Variants in SLC10A7 observed in about 807,000 individuals in gnomAD.
SLC10A7 encodes the protein solute carrier family 10 member 7.
In SLC10A7, 29 loss-of-function variants were observed where a neutral mutation model predicts 43.2. The observed-to-expected ratio is 0.67, with a 90% CI of 0.50 to 0.92. The LOEUF (loss-of-function observed/expected upper bound fraction) is 0.92, where lower values mean the gene tolerates loss of function less well. Ranked by LOEUF, SLC10A7 falls within the 40% of genes least tolerant of loss-of-function variation. The probability of loss-of-function intolerance (pLI) is 0.00; values close to 1 mark genes in which losing one functional copy is unlikely to be tolerated. For missense variants in SLC10A7, 295 were observed against 403.2 expected (o/e 0.73, Z 2.30); for synonymous variants, 152 against 144.8 (o/e 1.05, Z -0.35).
chr4:146,327,800 C>G (rs549991822), intron 5 of SLC10A7, among the ~76,000 whole-genome samples: 4 of 152,316 alleles, frequency 2.6e-5, no homozygotes, highest in Admixed American at 2.6e-4. Context: ...GGATTGATAG[C>G]CCCCACCCCT....
chr4:146,368,000 C>T (rs867985207), intron 5 of SLC10A7, among the ~76,000 whole-genome samples: 1 of 152,156 alleles, frequency 6.6e-6, no homozygotes, highest in Admixed American at 6.5e-5. Flanking sequence ...CCCTCTTGCC[C>T]AGTCCTAAAA....
At chr4:146,437,889 T>A (rs1458931019) in intron 5 of SLC10A7, among the ~76,000 whole-genome samples, 1 of 152,052 alleles carries the variant, frequency 6.6e-6, no homozygotes, top group East Asian at 1.9e-4. Context: ...TACCAGGAAT[T>A]TCTCTAATGT....
chr4:146,284,991 G>GA (rs1729797126), intron 9 of SLC10A7, among the ~76,000 whole-genome samples: 1 of 152,140 alleles, frequency 6.6e-6, no homozygotes, highest in Non-Finnish European at 1.5e-5. Flanking sequence ...AACCTTCTGG[G>GA]AAAAAATAAC....
chr4:146,449,021 TGTGCTAGAACAAAC>T (rs1346304057), intron 4 of SLC10A7, among the ~76,000 whole-genome samples: 6 of 152,166 alleles, frequency 3.9e-5, no homozygotes, highest in Non-Finnish European at 8.8e-5. Context: ...ATGAAGAAAC[TGTGCTAGAACAAAC>T]AGCAAAGAAA....
intron 10 of SLC10A7, among the ~76,000 whole-genome samples, chr4:146,282,421 CAT>C (rs1482854070): frequency 9.2e-5 from 14 of 152,280 alleles, no homozygotes; most frequent in East Asian, 1.9e-4. Context: ...TTAAGTGACT[CAT>C]GTGCTAAAAT....
At chr4:146,297,358 T>C (rs1424840935) in intron 7 of SLC10A7, among the ~76,000 whole-genome samples, 1 of 152,178 alleles carries the variant, frequency 6.6e-6, no homozygotes, top group Admixed American at 6.5e-5. Context: ...GTGCTTCTAA[T>C]AAATGGAGCC....
rs1186200142 is a variant in SLC10A7, at chr4:146,517,108, G to C, written c.113C>G (p.Pro38Arg). 1 of 1,606,618 alleles carries C rather than the reference G, an allele frequency of 6.2e-7. No individual in the cohort carries two copies. Among genetic ancestry groups the C allele is most frequent in the Non-Finnish European group, 8.5e-7 (1 of 1,175,876 alleles). The change falls in exon 2 of 12, where the codon CCA becomes CGA. Residue 38 changes from proline (P) to arginine (R), a missense_variant. By Grantham distance (103) the Pro-to-Arg change is moderately radical. Coordinates refer to ENST00000335472, the MANE Select transcript of SLC10A7 (RefSeq NM_001029998.6). Reference sequence around the variant, plus strand: ...AGCAATGTAGGATACAGTTATTTCTGGCTTCAGTGGTCCTAAAAAGAGAAA... The same window carrying C: ...AGCAATGTAGGATACAGTTATTTCTCGCTTCAGTGGTCCTAAAAAGAGAAA... ...SIGVNGGPLK[P>R]EITVSYIAVA...
At chr4:146,403,726 T>C (rs1482346041) in intron 5 of SLC10A7, among the ~76,000 whole-genome samples, 9 of 152,182 alleles carry the variant, frequency 5.9e-5, no homozygotes, top group Non-Finnish European at 1.2e-4. Flanking sequence ...TCTGGAGTTA[T>C]TAAGACGTTA....
chr4:146,420,864 A>T (rs2149847535), intron 5 of SLC10A7, among the ~76,000 whole-genome samples: 1 of 152,110 alleles, frequency 6.6e-6, no homozygotes, highest in African/African-American at 2.4e-5. Flanking sequence ...GTCTCTACAC[A>T]AAAATTTTTA....
chr4:146,446,265 T>C (rs1048061875), intron 4 of SLC10A7, among the ~76,000 whole-genome samples: 5 of 152,134 alleles, frequency 3.3e-5, no homozygotes, highest in African/African-American at 1.2e-4. Flanking sequence ...ATCTCTGCCA[T>C]GGGACTTGTC....
chr4:146,282,588 T>C (rs571437406), intron 10 of SLC10A7, among the ~76,000 whole-genome samples: 4 of 152,318 alleles, frequency 2.6e-5, no homozygotes, highest in Middle Eastern at 3.4e-3. Flanking sequence ...ATTGGGATAA[T>C]GCCACTAATT....
At chr4:146,455,523 A>C (rs1731968108) in intron 4 of SLC10A7, among the ~76,000 whole-genome samples, 1 of 151,858 alleles carries the variant, frequency 6.6e-6, no homozygotes, top group Non-Finnish European at 1.5e-5. Flanking sequence ...TTTTCCATCC[A>C]TTAGGTCTGG....
chr4:146,445,327 C>G (rs1707092995), intron 4 of SLC10A7, among the ~76,000 whole-genome samples: 1 of 152,192 alleles, frequency 6.6e-6, no homozygotes, highest in Admixed American at 6.5e-5. Context: ...GGCCGCCGTG[C>G]TCCATGCCTT....
At chr4:146,263,277 C>T (rs889049238) in intron 10 of SLC10A7, among the ~76,000 whole-genome samples, 1 of 152,162 alleles carries the variant, frequency 6.6e-6, no homozygotes, top group East Asian at 1.9e-4. Context: ...ACCTTCGCTA[C>T]CCTTATTATC....
intron 5 of SLC10A7, among the ~76,000 whole-genome samples, chr4:146,375,697 C>G (rs1296557690): frequency 6.6e-6 from 1 of 152,080 alleles, no homozygotes; most frequent in Non-Finnish European, 1.5e-5. Context: ...AAGAAAAACC[C>G]TAGTGTTTTT....
intron 5 of SLC10A7, among the ~76,000 whole-genome samples, chr4:146,374,651 CACACACACACAT>C (rs1186485139): frequency 1.6e-4 from 24 of 146,656 alleles, no homozygotes; most frequent in South Asian, 9.1e-4. Flanking sequence ...CACACACACA[CACACACACACAT>C]ATATATATAT....
At chr4:146,445,907 G>GTA (rs1470718625) in intron 4 of SLC10A7, among the ~76,000 whole-genome samples, 7 of 151,654 alleles carry the variant, frequency 4.6e-5, no homozygotes, top group Non-Finnish European at 7.4e-5. Context: ...GTGTGTGTGT[G>GTA]TGTGTGTGCA....
intron 5 of SLC10A7, among the ~76,000 whole-genome samples, chr4:146,359,960 G>A (rs1267031299): frequency 6.6e-6 from 1 of 152,052 alleles, no homozygotes; most frequent in East Asian, 1.9e-4. Context: ...TGACTACCTA[G>A]TAATGACTCA....
At chr4:146,427,174 T>C (rs775030938) in intron 5 of SLC10A7, among the ~76,000 whole-genome samples, 3 of 149,394 alleles carry the variant, frequency 2.0e-5, no homozygotes, top group Non-Finnish European at 4.5e-5. Flanking sequence ...TATAAAAAAT[T>C]AAAACAAAAA....
Sources: gnomAD v4.1 joint callset for allele counts (sites outside exome capture counted in the v4.1 genomes callset) on GRCh38, gnomAD v4.1.1 for gene constraint, MANE v1.5 for transcripts, NCBI Gene and HGNC (gene_info 2026-07-23, HGNC 2026-07-21) for gene names.